PLPP3: variants seen among roughly 807,000 people sequenced by gnomAD.
The protein encoded by PLPP3 is phospholipid phosphatase 3, also known as PAP2 beta.
In PLPP3, 6 loss-of-function variants were observed where a neutral mutation model predicts 29.6. That is an observed-to-expected ratio of 0.20 (90% confidence interval 0.11 to 0.40). The LOEUF (loss-of-function observed/expected upper bound fraction) is 0.40. Among genes scored for constraint, PLPP3 ranks in the 10% least tolerant of loss-of-function variants. The pLI is 1.00. For synonymous variants in PLPP3, 152 were observed against 159.7 expected (o/e 0.95, Z 0.36); for missense variants, 308 against 407.7 (o/e 0.76, Z 2.11).
intron 4 of PLPP3, 94 bp from the exon 5 acceptor site, chr1:56,512,246 A>C: frequency 8.3e-7 from 1 of 1,201,560 alleles, no homozygotes; most frequent in Non-Finnish European, 1.1e-6. Flanking sequence ...TTCTACGAAC[A>C]GGGATCATCT....
chr1:56,547,217 A>G (rs910317760), intron 1 of PLPP3, among the ~76,000 whole-genome samples: 3 of 152,220 alleles, frequency 2.0e-5, no homozygotes, highest in African/African-American at 7.2e-5. Flanking sequence ...TAAGATCCTC[A>G]GAAAAGGGTT....
intron 1 of PLPP3, among the ~76,000 whole-genome samples, chr1:56,571,618 T>C (rs949501038): frequency 3.3e-5 from 5 of 151,640 alleles, no homozygotes; most frequent in Non-Finnish European, 7.4e-5. Flanking sequence ...ATTCTCTTTA[T>C]TATGTCTACA....
At position 56,565,919 on chromosome 1, in the gene PLPP3, C is replaced by T. The variant is rs145970891; in HGVS notation, c.139+12959G>A. 4.2e-4 allele frequency among the ~76,000 whole-genome samples: 64 copies of T among 152,284 alleles called. No homozygotes were observed. In the East Asian group the frequency reaches 5.8e-3, roughly 14 times the overall value. ...TTACCAAGTAAACTATATTTCACAT[C>T]GTTTATTTTTGCTAATCCAAGCACA... On this transcript the variant is annotated intron_variant, in intron 1 of 5. Coordinates refer to ENST00000371250, the MANE Select transcript of PLPP3 (RefSeq NM_003713.5).
intron 1 of PLPP3, among the ~76,000 whole-genome samples, chr1:56,543,904 G>T: frequency 6.6e-6 from 1 of 152,190 alleles, no homozygotes; most frequent in East Asian, 1.9e-4. Context: ...GGCAGATCTA[G>T]TCCTAGTACT....
intron 1 of PLPP3, among the ~76,000 whole-genome samples, chr1:56,560,895 T>C (rs1646120766): frequency 7.1e-6 from 1 of 140,500 alleles, no homozygotes; most frequent in African/African-American, 2.6e-5. Context: ...TGGAGTGCAG[T>C]GGCCTGATCT....
intron 1 of PLPP3, among the ~76,000 whole-genome samples, chr1:56,555,266 C>T (rs537308708): frequency 8.2e-5 from 12 of 145,704 alleles, no homozygotes; most frequent in South Asian, 2.2e-4. Context: ...GTGACTTCCC[C>T]GGGGACTTTT....
At chr1:56,530,206 G>C (rs1198397392) in intron 2 of PLPP3, among the ~76,000 whole-genome samples, 2 of 151,106 alleles carry the variant, frequency 1.3e-5, no homozygotes, top group African/African-American at 4.9e-5. Context: ...GCTTCTTCTA[G>C]TGGTTCCACA....
chr1:56,540,426 G>C (rs1645960475), intron 1 of PLPP3, among the ~76,000 whole-genome samples: 1 of 152,040 alleles, frequency 6.6e-6, no homozygotes. Context: ...GACACTCAAT[G>C]AATGTTAAAA....
chr1:56,540,258 T>C (rs779639372), intron 1 of PLPP3, among the ~76,000 whole-genome samples: 9 of 152,148 alleles, frequency 5.9e-5, no homozygotes, highest in Non-Finnish European at 1.0e-4. Flanking sequence ...GGCTTAACTA[T>C]ATATATTAAG....
chr1:56,542,225 T>G (rs61772620), intron 1 of PLPP3, among the ~76,000 whole-genome samples: 14,087 of 152,094 alleles, frequency 0.093, 875 homozygotes, highest in Middle Eastern at 0.13. Context: ...CTGGGGCAGG[T>G]TGGGTGGTTT....
chr1:56,535,762 T>C (rs1363009001), intron 2 of PLPP3, among the ~76,000 whole-genome samples: 1 of 152,172 alleles, frequency 6.6e-6, no homozygotes, highest in Non-Finnish European at 1.5e-5. Context: ...CATTTTCCTT[T>C]GCCCATCCTG....
intron 2 of PLPP3, among the ~76,000 whole-genome samples, chr1:56,528,462 T>C (rs1454649546): frequency 2.0e-5 from 3 of 152,140 alleles, no homozygotes; most frequent in Non-Finnish European, 4.4e-5. Flanking sequence ...AGCAACAACG[T>C]TGTAGCCAGA....
chr1:56,573,130 T>G (rs952794160), intron 1 of PLPP3, among the ~76,000 whole-genome samples: 8 of 152,132 alleles, frequency 5.3e-5, no homozygotes, highest in African/African-American at 1.9e-4. Context: ...CTTCAATATC[T>G]CAAAAGAAAA....
intron 5 of PLPP3, among the ~76,000 whole-genome samples, chr1:56,503,819 C>T (rs566891050): frequency 6.6e-5 from 10 of 152,266 alleles, no homozygotes; most frequent in Non-Finnish European, 1.0e-4. Flanking sequence ...CTTGCTCTGT[C>T]GCTCAGGCTG....
chr1:56,525,846 A>G (rs1351173428), intron 2 of PLPP3, among the ~76,000 whole-genome samples: 2 of 152,100 alleles, frequency 1.3e-5, no homozygotes, highest in Non-Finnish European at 2.9e-5. Flanking sequence ...AAAGGCTCCC[A>G]ATATTCTTTT....
chr1:56,499,610 A>G (rs1645653065), intron 5 of PLPP3, among the ~76,000 whole-genome samples: 6 of 152,220 alleles, frequency 3.9e-5, no homozygotes, highest in Admixed American at 3.9e-4. Flanking sequence ...TACTGCCTGC[A>G]CGGAGCCAAG....
intron 1 of PLPP3, among the ~76,000 whole-genome samples, chr1:56,565,596 T>C (rs905247987): frequency 2.2e-4 from 34 of 152,178 alleles, no homozygotes; most frequent in African/African-American, 7.7e-4. Flanking sequence ...AATTTTTGTA[T>C]TTTTATTAGA....
intron 1 of PLPP3, among the ~76,000 whole-genome samples, chr1:56,573,782 G>A (rs141142699): frequency 6.6e-6 from 1 of 152,174 alleles, no homozygotes; most frequent in East Asian, 1.9e-4. Context: ...GCCTACACAG[G>A]GAAGAAGCCC....
At chr1:56,499,640 G>C (rs921269393) in intron 5 of PLPP3, among the ~76,000 whole-genome samples, 1 of 152,188 alleles carries the variant, frequency 6.6e-6, no homozygotes, top group Admixed American at 6.5e-5. Context: ...GAAAAGTTGA[G>C]TCAGGTCCAG....
Sources: allele counts gnomAD v4.1 joint callset (sites outside exome capture counted in the v4.1 genomes callset), GRCh38; gene constraint gnomAD v4.1.1; transcripts MANE v1.5; gene names NCBI Gene and HGNC (gene_info 2026-07-23, HGNC 2026-07-21).